Variants in CNTNAP5 observed in about 807,000 individuals in gnomAD.
CNTNAP5 encodes contactin-associated protein-like 5.
A neutral mutation model predicts 150.2 loss-of-function variants in CNTNAP5; 72 were observed. The ratio of observed to expected loss-of-function variants is 0.48; its 90% confidence interval spans 0.40 to 0.58. The LOEUF (loss-of-function observed/expected upper bound fraction) is 0.58, where lower values mean the gene tolerates loss of function less well. CNTNAP5 is among the 20% of genes least tolerant of loss of function. The probability of loss-of-function intolerance (pLI) is 0.00; values close to 1 mark genes in which losing one functional copy is unlikely to be tolerated. For synonymous variants in CNTNAP5, 672 were observed against 619.8 expected, an observed-to-expected ratio of 1.08 and a Z score of -1.25; for missense variants, 1,636 against 1,626.2, an observed-to-expected ratio of 1.01 and a Z score of -0.10.
intron 3 of CNTNAP5, among the ~76,000 whole-genome samples, chr2:124,326,367 T>C (rs892413679): frequency 6.6e-6 from 1 of 152,232 alleles, no homozygotes; most frequent in African/African-American, 2.4e-5. Context: ...TTTGTGTGTG[T>C]GCCTGTGCCA....
intron 3 of CNTNAP5, among the ~76,000 whole-genome samples, chr2:124,345,492 G>A (rs1689716951): frequency 1.3e-5 from 2 of 152,062 alleles, no homozygotes; most frequent in African/African-American, 2.4e-5. Context: ...ACAGCAACTT[G>A]GAGAAGCAGT....
intron 19 of CNTNAP5, among the ~76,000 whole-genome samples, chr2:124,857,168 T>C (rs1439993773): frequency 2.0e-5 from 3 of 152,144 alleles, no homozygotes; most frequent in Admixed American, 2.0e-4. Context: ...TCCCCATAAG[T>C]ACCCCTCCCA....
At chr2:124,050,123 T>C (rs1390947863) in intron 1 of CNTNAP5, among the ~76,000 whole-genome samples, 1 of 152,136 alleles carries the variant, frequency 6.6e-6, no homozygotes, top group Non-Finnish European at 1.5e-5. Flanking sequence ...ATCTAGTAGC[T>C]GTTCACTCAT....
intron 3 of CNTNAP5, among the ~76,000 whole-genome samples, chr2:124,294,033 A>C (rs1206274167): frequency 6.6e-6 from 1 of 152,270 alleles, no homozygotes; most frequent in South Asian, 2.1e-4. Flanking sequence ...TGATCCCAGG[A>C]TGCATGGGGC....
At position 124,903,108 on chromosome 2, in the gene CNTNAP5, C is replaced by T. The variant is rs545547178; in HGVS notation, c.3655+8C>T. 7.3e-6 allele frequency: 11 copies of T among 1,512,612 alleles called. No individual in the cohort carries two copies. The Admixed American group carries it at 1.8e-4, about 25-fold the overall frequency. The allele number at this position is 1,512,612 out of a possible 1,614,324, so 93.7% of individuals were successfully genotyped here. A position where few individuals can be genotyped will look rare whatever the true frequency, so the allele number is the denominator to read the frequency against. ...CGGTGCATTCTTCATCAGGTACACT[C>T]AAGAGCATGCACAAGGGAGCTTCTG... On this transcript the variant is annotated splice_region_variant and intron_variant, in intron 22 of 23. Transcript: ENST00000682447.
At chr2:124,039,173 G>A (rs1433912553) in intron 1 of CNTNAP5, among the ~76,000 whole-genome samples, 1 of 152,150 alleles carries the variant, frequency 6.6e-6, no homozygotes, top group Non-Finnish European at 1.5e-5. Context: ...TTAGTTTGTG[G>A]TTAATAGCTG....
intron 12 of CNTNAP5, among the ~76,000 whole-genome samples, chr2:124,625,117 C>T (rs1188861656): frequency 2.0e-5 from 3 of 152,158 alleles, no homozygotes; most frequent in Non-Finnish European, 2.9e-5. Context: ...CAGAATTCCC[C>T]TCTGGCCTGC....
chr2:124,701,468 A>C (rs76206618), intron 13 of CNTNAP5, among the ~76,000 whole-genome samples: 1,888 of 152,304 alleles, frequency 0.012, 47 homozygotes, highest in African/African-American at 0.043. Flanking sequence ...GGTATTGTGA[A>C]TAATGCTGCT....
At chr2:124,180,314 G>C (rs746463714) in intron 1 of CNTNAP5, among the ~76,000 whole-genome samples, 6 of 152,070 alleles carry the variant, frequency 3.9e-5, no homozygotes, top group Non-Finnish European at 7.4e-5. Flanking sequence ...TTCTGGAAGC[G>C]CTTGGTGGAA....
intron 19 of CNTNAP5, among the ~76,000 whole-genome samples, chr2:124,858,006 C>G (rs1002571543): frequency 6.6e-6 from 1 of 152,060 alleles, no homozygotes; most frequent in Non-Finnish European, 1.5e-5. Context: ...TTTCAACAGC[C>G]CTTGATGCTA....
At chr2:124,793,641 GT>G (rs746431283) in intron 18 of CNTNAP5, among the ~76,000 whole-genome samples, 4 of 152,102 alleles carry the variant, frequency 2.6e-5, no homozygotes, top group African/African-American at 7.2e-5. Context: ...GAGTTTTATA[GT>G]TTTAGCTCTC....
chr2:124,635,630 T>C (rs1274407874), intron 12 of CNTNAP5, among the ~76,000 whole-genome samples: 1 of 152,088 alleles, frequency 6.6e-6, no homozygotes, highest in Non-Finnish European at 1.5e-5. Flanking sequence ...AACAAATGGG[T>C]GTCAAAGGTG....
chr2:124,723,570 A>C (rs1011587255), intron 13 of CNTNAP5, among the ~76,000 whole-genome samples: 1 of 152,142 alleles, frequency 6.6e-6, no homozygotes, highest in African/African-American at 2.4e-5. Context: ...CTTTGCTAGG[A>C]CTGCCTTAAC....
At chr2:124,148,701 T>C (rs1443008518) in intron 1 of CNTNAP5, among the ~76,000 whole-genome samples, 2 of 150,906 alleles carry the variant, frequency 1.3e-5, no homozygotes, top group South Asian at 2.1e-4. Flanking sequence ...CACTATTGCA[T>C]ATATATCAAA....
At chr2:124,078,870 A>G (rs1682496626) in intron 1 of CNTNAP5, among the ~76,000 whole-genome samples, 1 of 152,216 alleles carries the variant, frequency 6.6e-6, no homozygotes, top group Non-Finnish European at 1.5e-5. Flanking sequence ...TCTGAAGGCA[A>G]CAGGGACTCA....
chr2:124,298,295 G>C (rs59438091), intron 3 of CNTNAP5, among the ~76,000 whole-genome samples: 13 of 152,136 alleles, frequency 8.5e-5, no homozygotes, highest in African/African-American at 3.1e-4. Flanking sequence ...ACCGAACTGA[G>C]GGTCGGGCTG....
chr2:124,452,982 A>C (rs749146452), intron 6 of CNTNAP5, among the ~76,000 whole-genome samples: 62 of 152,194 alleles, frequency 4.1e-4, no homozygotes, highest in Middle Eastern at 3.4e-3. Flanking sequence ...AACACCCCCC[A>C]AAAAAATTAC....
intron 1 of CNTNAP5, among the ~76,000 whole-genome samples, chr2:124,191,101 G>T (rs1685447559): frequency 6.6e-6 from 1 of 151,832 alleles, no homozygotes; most frequent in African/African-American, 2.4e-5. Flanking sequence ...TATTTTTATT[G>T]GTGTCTTTAA....
At chr2:124,029,569 A>G (rs1680987826) in intron 1 of CNTNAP5, among the ~76,000 whole-genome samples, 1 of 152,060 alleles carries the variant, frequency 6.6e-6, no homozygotes, top group South Asian at 2.1e-4. Flanking sequence ...TTATGAAAAA[A>G]TTAGTTTTAT....
Sources: allele counts gnomAD v4.1 joint callset (sites outside exome capture counted in the v4.1 genomes callset), GRCh38; gene constraint gnomAD v4.1.1; transcripts MANE v1.5; gene names NCBI Gene and HGNC (gene_info 2026-07-23, HGNC 2026-07-21).